The following TPX2 variants were observed in gnomAD, a reference collection of about 807,000 sequenced individuals.
TPX2 encodes targeting protein for Xklp2.
A neutral mutation model predicts 93.6 loss-of-function variants in TPX2; 21 were observed. The observed-to-expected ratio is 0.22, with a 90% CI of 0.16 to 0.32. TPX2 has a LOEUF of 0.32. Ranked by LOEUF, TPX2 falls within the 10% of genes least tolerant of loss-of-function variation. The pLI, the probability that TPX2 is intolerant of heterozygous loss-of-function variation, is 1.00. For missense variants in TPX2, 776 were observed against 871.1 expected (o/e 0.89, Z 1.37); for synonymous variants, 281 against 298.3 (o/e 0.94, Z 0.60).
chr20:31,782,892 ACACAC>A, intron 11 of TPX2, among the ~76,000 whole-genome samples: 1 of 5,914 alleles, frequency 1.7e-4, no homozygotes, highest in Non-Finnish European at 3.8e-4. Context: ...ACACACATAC[ACACAC>A]ACACACACAC....
Position 31,794,450 on chromosome 20 carries a change from C to G in TPX2, c.1735C>G (p.Leu579Val), listed in dbSNP as rs2062122444. Residue 579 changes from leucine (L) to valine (V), a missense_variant, in exon 15 of 18, where the codon CTG becomes GTG. Around this residue, in one of 3 missense-constraint regions of TPX2, gnomAD observed 461 missense variants for 551.2 expected, o/e 0.84. Transcript: ENST00000300403. ...CTTGCCTCATTTTGACACCATTAAC[C>G]TGCCAGAGAAGAAGGTAAAGAATGT... Reference protein sequence around the residue: ...LPLPHFDTINLPEKKVKNVTQ... With the variant: ...LPLPHFDTINVPEKKVKNVTQ... The G allele has an allele frequency of 6.2e-7, 1 of 1,614,016 alleles. No homozygotes were observed. The highest frequency in any genetic ancestry group is 1.3e-5 in the African/African-American group (1 of 74,910).
intron 15 of TPX2, among the ~76,000 whole-genome samples, chr20:31,794,805 C>T (rs891634592): frequency 8.2e-5 from 12 of 145,956 alleles, no homozygotes; most frequent in Non-Finnish European, 1.8e-4. Flanking sequence ...TGTGTGTGTA[C>T]GCACACATTT....
chr20:31,786,952 G>C (rs2062071168), intron 12 of TPX2, among the ~76,000 whole-genome samples: 1 of 152,030 alleles, frequency 6.6e-6, no homozygotes, highest in Non-Finnish European at 1.5e-5. Flanking sequence ...AAATCCAGCT[G>C]GTTCTCAGAA....
In TPX2 at chr20:31,770,479, G is replaced by A; in HGVS notation, c.485+8G>A. ...CTCTAAGAAAATGAAAGTGTGAGTA[G>A]CCACAACTTCTTACTGCCAAGGGCA... On this transcript the variant is annotated splice_region_variant and intron_variant, in intron 6 of 17. Transcript: ENST00000300403. 2 of 1,567,190 alleles carry A rather than the reference G, an allele frequency of 1.3e-6. No homozygotes were observed. Among genetic ancestry groups the A allele is most frequent in the South Asian group, 2.4e-5 (2 of 82,474 alleles).
chr20:31,793,527 G>T (rs537762207), intron 13 of TPX2, among the ~76,000 whole-genome samples: 1 of 152,262 alleles, frequency 6.6e-6, no homozygotes, highest in South Asian at 2.1e-4. Flanking sequence ...AAGTCTAGAG[G>T]CTGGGTCAAA....
At chr20:31,747,831 G>A (rs1374792079) in intron 2 of TPX2, among the ~76,000 whole-genome samples, 1 of 146,934 alleles carries the variant, frequency 6.8e-6, no homozygotes, top group Non-Finnish European at 1.5e-5. Flanking sequence ...ATTAAGGGAC[G>A]CAGGAAGGCA....
chr20:31,766,454 G>GGGGT lies in TPX2; in HGVS notation c.230-101_230-100insGGTG, dbSNP rs1477138596. ...ACTAAGGTTTCTGTGGCTTAGACAG[G>GGGGT]GTGTGTGTGTGTGTGTGTGTGTGTG... On this transcript the variant is annotated intron_variant, in intron 4 of 17. Transcript: ENST00000300403. 8.3e-5 allele frequency: 60 copies of GGGGT among 720,572 alleles called. 2 individuals are homozygous for GGGGT. The highest frequency in any genetic ancestry group is 9.0e-4 in the Middle Eastern group (2 of 2,220). 44.6% of individuals were successfully genotyped at this position (720,572 alleles called of 1,614,324 possible).
chr20:31,776,731 T>C (rs1202370937), intron 8 of TPX2, among the ~76,000 whole-genome samples: 1 of 151,918 alleles, frequency 6.6e-6, no homozygotes, highest in African/African-American at 2.4e-5. Flanking sequence ...TTCATCATGT[T>C]GGCCAGGCTG....
Position 31,778,861 on chromosome 20 carries a change from C to G in TPX2, c.931C>G (p.Gln311Glu), listed in dbSNP as rs938323248. Residue 311 changes from glutamine to glutamate, a missense_variant, in exon 10 of 18, where the codon CAA (glutamine) becomes GAA (glutamate). By Grantham distance (29) the Gln-to-Glu change is conservative (BLOSUM62 2). Transcript: ENST00000300403. ...CATTGTTAAGCCTTTCAACCTGTCCCAAGGAAAGAAAAGAACATTTGATGA... is the reference window on the plus strand; with the variant it reads ...CATTGTTAAGCCTTTCAACCTGTCCGAAGGAAAGAAAAGAACATTTGATGA... ...CTIVKPFNLS[Q>E]GKKRTFDETV... 1 of 1,610,434 alleles carries G rather than the reference C, an allele frequency of 6.2e-7. No homozygotes were observed. The highest frequency in any genetic ancestry group is 1.3e-5 in the African/African-American group (1 of 74,746).
chr20:31,782,839 A>G (rs1024509906), intron 11 of TPX2, among the ~76,000 whole-genome samples: 11 of 151,854 alleles, frequency 7.2e-5, no homozygotes, highest in African/African-American at 2.4e-4. Flanking sequence ...GATCACGCCA[A>G]TATACTCCAG....
intron 12 of TPX2, 114 bp downstream of exon 12, chr20:31,784,035 C>T: frequency 8.8e-7 from 1 of 1,137,508 alleles, no homozygotes; most frequent in Non-Finnish European, 1.3e-6. Context: ...TTAGGAACTG[C>T]AGGTGATAAA....
intron 2 of TPX2, among the ~76,000 whole-genome samples, chr20:31,752,668 G>A (rs572766196): frequency 4.0e-5 from 6 of 151,766 alleles, no homozygotes; most frequent in East Asian, 1.9e-4. Context: ...GGCTGGATGC[G>A]GTGGCGTGAT....
intron 11 of TPX2, 128 bp downstream of exon 11, chr20:31,782,518 G>A (rs1328474437): frequency 3.4e-6 from 4 of 1,160,162 alleles, no homozygotes; most frequent in Admixed American, 2.7e-5. Flanking sequence ...AGTAGGCTCT[G>A]CAGGCTACGC....
At chr20:31,745,028 A>G (rs1012770234) in intron 2 of TPX2, among the ~76,000 whole-genome samples, 2 of 152,172 alleles carry the variant, frequency 1.3e-5, no homozygotes, top group Non-Finnish European at 2.9e-5. Context: ...TGGAGGTTGC[A>G]GTGAGCCGAG....
At chr20:31,752,631 TG>T (rs1307737923) in intron 2 of TPX2, among the ~76,000 whole-genome samples, 2 of 152,204 alleles carry the variant, frequency 1.3e-5, no homozygotes, top group Non-Finnish European at 2.9e-5. Flanking sequence ...TCTTTTTTTT[TG>T]AGACGGAGTC....
intron 4 of TPX2, among the ~76,000 whole-genome samples, chr20:31,761,290 C>A (rs1217679559): frequency 1.3e-5 from 2 of 151,506 alleles, no homozygotes; most frequent in African/African-American, 4.9e-5. Flanking sequence ...TAACCTCCAC[C>A]ACCTGGGTTC....
At chr20:31,766,270 A>G (rs958524937) in intron 4 of TPX2, among the ~76,000 whole-genome samples, 1 of 151,966 alleles carries the variant, frequency 6.6e-6, no homozygotes, top group Admixed American at 6.6e-5. Flanking sequence ...TCAGAATTTT[A>G]TCTTTACCAG....
At chr20:31,771,411 T>C in intron 6 of TPX2, 149 bp from the exon 7 acceptor site, 1 of 1,005,966 alleles carries the variant, frequency 9.9e-7, no homozygotes, top group Non-Finnish European at 1.4e-6. Flanking sequence ...TATGATCTAA[T>C]GATACTGTTG....
chr20:31,758,278 C>CCTAACTAATT (rs1568923859), intron 3 of TPX2, among the ~76,000 whole-genome samples: 1 of 152,030 alleles, frequency 6.6e-6, no homozygotes, highest in Non-Finnish European at 1.5e-5. Flanking sequence ...CACCAGCATG[C>CCTAACTAATT]CTAACTAATT....
Sources: allele counts gnomAD v4.1 joint callset (sites outside exome capture counted in the v4.1 genomes callset), GRCh38; gene constraint gnomAD v4.1.1; regional missense constraint gnomAD v4.1.1; transcripts MANE v1.5; gene names NCBI Gene and HGNC (gene_info 2026-07-23, HGNC 2026-07-21).